SLA: variants seen among roughly 807,000 people sequenced by gnomAD.
SLA encodes src-like-adapter.
In SLA, 16 loss-of-function variants were observed where a neutral mutation model predicts 30.3. That is an observed-to-expected ratio of 0.53 (90% CI 0.36 to 0.80). SLA has a LOEUF of 0.80. SLA is among the 30% of genes least tolerant of loss of function. The probability of loss-of-function intolerance (pLI) is 0.01; values close to 1 mark genes in which losing one functional copy is unlikely to be tolerated. For missense variants in SLA, 310 were observed against 345.2 expected (o/e 0.90, Z 0.81); for synonymous variants, 143 against 137.8 (o/e 1.04, Z -0.26).
At chr8:133,073,510 C>T (rs1057417124) in intron 2 of SLA, among the ~76,000 whole-genome samples, 7 of 152,066 alleles carry the variant, frequency 4.6e-5, no homozygotes, top group Admixed American at 1.3e-4. Context: ...TACAGGCACC[C>T]GCCACCAAGC....
chr8:133,059,687 G>A (rs1334144195), intron 3 of SLA, among the ~76,000 whole-genome samples: 1 of 152,184 alleles, frequency 6.6e-6, no homozygotes, highest in East Asian at 1.9e-4. Flanking sequence ...TAAGTATAAG[G>A]ATGATATTAT....
intron 6 of SLA, among the ~76,000 whole-genome samples, chr8:133,045,787 C>T (rs892508151): frequency 2.6e-5 from 4 of 152,150 alleles, no homozygotes; most frequent in African/African-American, 9.7e-5. Flanking sequence ...CAACCTGTAG[C>T]TCCAGGATCC....
At chr8:133,098,543 A>G (rs1234375991) in intron 1 of SLA, among the ~76,000 whole-genome samples, 1 of 152,204 alleles carries the variant, frequency 6.6e-6, no homozygotes, top group Non-Finnish European at 1.5e-5. Flanking sequence ...TGTGCACAAG[A>G]CACCATGTCC....
intron 2 of SLA, among the ~76,000 whole-genome samples, chr8:133,062,453 AG>A (rs1345625565): frequency 6.6e-6 from 1 of 152,258 alleles, no homozygotes; most frequent in African/African-American, 2.4e-5. Context: ...GCAGTTCAGC[AG>A]ACACTTCCTG....
chr8:133,082,620 A>C (rs1191409485), intron 1 of SLA, among the ~76,000 whole-genome samples: 2 of 152,126 alleles, frequency 1.3e-5, no homozygotes, highest in African/African-American at 2.4e-5. Context: ...TCCCCACGTC[A>C]CCGGAGTCAG....
chr8:133,047,526 A>G, intron 6 of SLA: 4 of 400,422 alleles, frequency 1.0e-5, no homozygotes. Context: ...TCTGCACAGC[A>G]TGCTGCCTAC....
At chr8:133,096,462 A>T in intron 1 of SLA, 1 of 1,511,686 alleles carries the variant, frequency 6.6e-7, no homozygotes, top group African/African-American at 1.4e-5. Context: ...AGAGATATTG[A>T]CCAATTGCTG....
intron 2 of SLA, among the ~76,000 whole-genome samples, chr8:133,065,877 G>A (rs1217217197): frequency 6.6e-6 from 1 of 152,182 alleles, no homozygotes; most frequent in Non-Finnish European, 1.5e-5. Flanking sequence ...TGGAGGCCCT[G>A]AGGGATCTCT....
At chr8:133,088,959 G>A (rs1030867554) in intron 1 of SLA, among the ~76,000 whole-genome samples, 17 of 152,244 alleles carry the variant, frequency 1.1e-4, no homozygotes, top group African/African-American at 3.9e-4. Context: ...AAGTCCATCT[G>A]TGCTTTAGCT....
intron 1 of SLA, among the ~76,000 whole-genome samples, chr8:133,079,377 C>T (rs872644): frequency 0.26 from 39,025 of 152,168 alleles, 5,317 homozygotes; most frequent in African/African-American, 0.31. Flanking sequence ...TTAAGTACTA[C>T]GCTGTGGTCA....
chr8:133,045,453 G>A lies in SLA; in HGVS notation c.353-338C>T, dbSNP rs1001314. 5.8e-3 allele frequency among the ~76,000 whole-genome samples: 821 copies of A among 140,762 alleles called. 9 individuals carry two copies. The highest frequency in any genetic ancestry group is 0.021 in the African/African-American group (794 of 37,800). 92.3% of individuals were successfully genotyped at this position (140,762 alleles called of 152,430 possible). Reference sequence around the variant, plus strand: ...TCTGTCACCCAGACTGGAGTGCAGTGGTGCCATCTCAGCTCACTGCAACCT... The same window carrying A: ...TCTGTCACCCAGACTGGAGTGCAGTAGTGCCATCTCAGCTCACTGCAACCT... On this transcript the variant is annotated intron_variant, in intron 6 of 8. Transcript: ENST00000338087.
chr8:133,086,318 C>T (rs556602687), intron 1 of SLA, among the ~76,000 whole-genome samples: 12 of 152,266 alleles, frequency 7.9e-5, no homozygotes, highest in African/African-American at 2.6e-4. Flanking sequence ...TAACTAAAAA[C>T]CATTGAATTA....
At chr8:133,045,260 C>T (rs956792261) in intron 6 of SLA, 145 bp from the exon 7 acceptor site, 1 of 733,214 alleles carries the variant, frequency 1.4e-6, no homozygotes, top group East Asian at 2.7e-5. Context: ...CCTCCCTCCA[C>T]TAGACCCTTC....
rs550371341 is a variant in SLA at position 133,067,124 on chromosome 8, T to C, written c.-40-6924A>G. On this transcript the variant is annotated intron_variant, in intron 2 of 8. Transcript: ENST00000338087. ...GCTGGCACAGGGGCTTAGCATCCGG[T>C]GGTCTCCCTGGCAGGATTTCCGGGG... Among the ~76,000 whole-genome samples the C allele has an allele frequency of 1.6e-3, 251 of 152,284 alleles. 1 individual carries two copies. Among genetic ancestry groups the C allele is most frequent in the Middle Eastern group, 6.8e-3 (2 of 294 alleles).
At chr8:133,055,359 ACGCG>A (rs150703045) in intron 3 of SLA, among the ~76,000 whole-genome samples, 15,204 of 86,660 alleles carry the variant, frequency 0.18, 997 homozygotes, top group Non-Finnish European at 0.21. Flanking sequence ...ACACACACGC[ACGCG>A]CGCACACACA....
chr8:133,081,344 T>A (rs1443158776), intron 1 of SLA, among the ~76,000 whole-genome samples: 2 of 152,210 alleles, frequency 1.3e-5, no homozygotes, highest in South Asian at 2.1e-4. Flanking sequence ...AGTAAATAAA[T>A]TGTGAATGGT....
At chr8:133,055,363 G>T (rs2739110) in intron 3 of SLA, among the ~76,000 whole-genome samples, 1 of 31,986 alleles carries the variant, frequency 3.1e-5, no homozygotes, top group Non-Finnish European at 6.2e-5. Flanking sequence ...ACACGCACGC[G>T]CGCACACACA....
At chr8:133,058,329 C>T (rs567014568) in intron 3 of SLA, among the ~76,000 whole-genome samples, 2 of 152,236 alleles carry the variant, frequency 1.3e-5, no homozygotes, top group East Asian at 3.9e-4. Context: ...ATTCTCTTCA[C>T]CAGGGGGTGG....
At chr8:133,098,194 T>C (rs1848720813) in intron 1 of SLA, among the ~76,000 whole-genome samples, 1 of 152,206 alleles carries the variant, frequency 6.6e-6, no homozygotes, top group South Asian at 2.1e-4. Context: ...TCAGAGTTTG[T>C]AGTCTCTAAA....
Sources: allele counts gnomAD v4.1 joint callset (sites outside exome capture counted in the v4.1 genomes callset), GRCh38; gene constraint gnomAD v4.1.1; transcripts MANE v1.5; gene names NCBI Gene and HGNC (gene_info 2026-07-23, HGNC 2026-07-21).